The following DNAH12 variants were observed in gnomAD, a reference collection of about 807,000 sequenced individuals.
DNAH12 encodes axonemal beta dynein heavy chain 12.
In DNAH12, 285 loss-of-function variants were observed where a neutral mutation model predicts 371.5. That is an observed-to-expected ratio of 0.77 (90% CI 0.70 to 0.85). The LOEUF (loss-of-function observed/expected upper bound fraction) is 0.85. Among genes scored for constraint, DNAH12 ranks in the 40% least tolerant of loss-of-function variants. The pLI is 0.00. For synonymous variants in DNAH12, 1,200 were observed against 1,213.0 expected (o/e 0.99, Z 0.22); for missense variants, 3,611 against 3,689.4 (o/e 0.98, Z 0.55).
chr3:57,548,514 G>C (rs1219711832), upstream of DNAH12, among the ~76,000 whole-genome samples: 1 of 152,120 alleles, frequency 6.6e-6, no homozygotes, highest in Admixed American at 6.6e-5. Flanking sequence ...TTTGAGATCA[G>C]ACTGGGCAAC....
chr3:57,441,307 C>T (rs894505131), intron 29 of DNAH12, among the ~76,000 whole-genome samples: 1 of 151,634 alleles, frequency 6.6e-6, no homozygotes, highest in African/African-American at 2.4e-5. Context: ...CTGGACAAAG[C>T]CAAAGAAAGA....
chr3:57,295,911 A>G (rs932829347), intron 72 of DNAH12, among the ~76,000 whole-genome samples: 3 of 152,204 alleles, frequency 2.0e-5, no homozygotes, highest in Non-Finnish European at 2.9e-5. Flanking sequence ...AGTATTGCTT[A>G]ATTTCCTGAG....
intron 37 of DNAH12, among the ~76,000 whole-genome samples, chr3:57,418,909 G>C (rs568243697): frequency 6.6e-6 from 1 of 152,282 alleles, no homozygotes; most frequent in Non-Finnish European, 1.5e-5. Flanking sequence ...AGTTTCATGT[G>C]TCTTTACTTT....
chr3:57,531,470 T>G (rs904578994), intron 2 of DNAH12, among the ~76,000 whole-genome samples: 1 of 152,008 alleles, frequency 6.6e-6, no homozygotes. Context: ...GATTATTAAA[T>G]GCCTTGAGGG....
In DNAH12 at chr3:57,454,763, A is replaced by G. The variant is rs1410965539; in HGVS notation, c.3456+12T>C. 3 of 1,549,468 alleles carry G rather than the reference A, an allele frequency of 1.9e-6. No homozygotes were observed. In the East Asian group the frequency reaches 7.3e-5, roughly 38 times the overall value. On this transcript the variant is annotated intron_variant, in intron 23 of 73. Transcript: ENST00000495027. ...AATGAAGGATGTTACTTAAAAGCAA[A>G]CAATGCTTTACCTCCGTCCCGCCAC...
chr3:57,432,834 G>A lies in DNAH12; in HGVS notation c.4980+533C>T, dbSNP rs371679952. On this transcript the variant is annotated intron_variant, in intron 32 of 73. Transcript: ENST00000495027. ...GTGTCATTTTTTAGGTGATGATTAT[G>A]TGAGTATACAAACACATTTTAAAAA... is the stretch of plus-strand genomic sequence containing the variant. Among the ~76,000 whole-genome samples the A allele has an allele frequency of 6.6e-5, 10 of 152,234 alleles. No homozygotes were observed. In the East Asian group the frequency reaches 9.6e-4, roughly 15 times the overall value.
chr3:57,486,787 T>A (rs1364865712), intron 12 of DNAH12, among the ~76,000 whole-genome samples: 1 of 152,050 alleles, frequency 6.6e-6, no homozygotes, highest in Non-Finnish European at 1.5e-5. Context: ...GCTACTGCAC[T>A]TCGGTCCGGG....
intron 13 of DNAH12, among the ~76,000 whole-genome samples, chr3:57,477,604 C>G (rs1376870961): frequency 6.6e-6 from 1 of 152,166 alleles, no homozygotes; most frequent in East Asian, 1.9e-4. Flanking sequence ...AGCTGGAGAT[C>G]TGAGAATGGA....
At chr3:57,554,558 A>T in the DNAH12 span, among the ~76,000 whole-genome samples, 1 of 152,088 alleles carries the variant, frequency 6.6e-6, no homozygotes, top group Non-Finnish European at 1.5e-5. Context: ...CACCTTACTC[A>T]TCACACTGGA....
rs372585995 is a variant in DNAH12, at chr3:57,510,841, G to A, written c.418C>T (p.Leu140Phe). ...GKEREELLES[L>F]INEVSSDFEN... ...AAGTCACTTGACACCTCATTTATGA[G>A]ACTTTCAAGAAGTTCTTCTCTTTCT... The change falls in exon 5 of 74, where the codon CTC becomes TTC. Residue 140 changes from leucine to phenylalanine, a missense_variant. This residue lies in a region of DNAH12 where 1,314 missense variants were observed against 1,398.7 expected (regional missense o/e 0.94). Transcript: ENST00000495027. 3.1e-6 allele frequency: 5 copies of A among 1,613,876 alleles called. No individual in the cohort carries two copies. The highest frequency in any genetic ancestry group is 4.2e-6 in the Non-Finnish European group (5 of 1,180,004).
chr3:57,494,864 C>T (rs868418938), intron 11 of DNAH12, among the ~76,000 whole-genome samples: 1 of 151,894 alleles, frequency 6.6e-6, no homozygotes, highest in Non-Finnish European at 1.5e-5. Context: ...CAAAAGTTAT[C>T]CCACCATAGT....
At chr3:57,448,815 C>T (rs1373677663) in intron 25 of DNAH12, among the ~76,000 whole-genome samples, 2 of 152,200 alleles carry the variant, frequency 1.3e-5, no homozygotes, top group Non-Finnish European at 2.9e-5. Flanking sequence ...TCTCCAAAGC[C>T]CCACCAGAGT....
In DNAH12 at chr3:57,433,795, C is replaced by G; in HGVS notation, c.4689G>C (p.Lys1563Asn). ...CCGCCAGCACATGCAGAACTTTTGT[C>G]TTAGCAGCAAAAGGCTCTCCTACTA... ...FMLVGEPFAA[K>N]TKVLHVLADT... The change falls in exon 31 of 74, where the codon AAG (lysine) becomes AAC (asparagine). Residue 1563 changes from lysine to asparagine, a missense_variant. Lys to Asn is a moderately conservative substitution (Grantham distance 94). Coordinates refer to ENST00000495027, the MANE Select transcript of DNAH12 (RefSeq NM_001366028.2). The G allele has an allele frequency of 6.5e-7, 1 of 1,547,680 alleles. No individual in the cohort carries two copies. Among genetic ancestry groups the G allele is most frequent in the Non-Finnish European group, 8.7e-7 (1 of 1,145,936 alleles).
At chr3:57,336,144 G>T (rs926114249) in intron 60 of DNAH12, among the ~76,000 whole-genome samples, 2 of 152,168 alleles carry the variant, frequency 1.3e-5, no homozygotes, top group Admixed American at 6.5e-5. Context: ...ACTGCACCTA[G>T]AATAAGTCTT....
chr3:57,302,734 C>T (rs1286189508), intron 69 of DNAH12, among the ~76,000 whole-genome samples: 1 of 149,886 alleles, frequency 6.7e-6, no homozygotes, highest in African/African-American at 2.5e-5. Flanking sequence ...CACCACCACA[C>T]CCAGCTAATT....
chr3:57,551,377 T>C, the DNAH12 span, among the ~76,000 whole-genome samples: 1 of 152,042 alleles, frequency 6.6e-6, no homozygotes, highest in Non-Finnish European at 1.5e-5. Context: ...GTTCACACCA[T>C]TCTCCTGCCT....
intron 17 of DNAH12, among the ~76,000 whole-genome samples, chr3:57,466,170 T>G (rs2066196970): frequency 6.6e-6 from 1 of 151,882 alleles, no homozygotes; most frequent in Non-Finnish European, 1.5e-5. Flanking sequence ...GTCTCCAAGA[T>G]AAATTAAGCA....
upstream of DNAH12, among the ~76,000 whole-genome samples, chr3:57,545,981 T>C (rs1201912576): frequency 6.6e-6 from 1 of 152,184 alleles, no homozygotes; most frequent in Non-Finnish European, 1.5e-5. Context: ...TTTATTTGGA[T>C]TGTAAGTCCG....
intron 65 of DNAH12, among the ~76,000 whole-genome samples, chr3:57,321,887 G>T (rs1042560206): frequency 6.6e-6 from 1 of 152,040 alleles, no homozygotes; most frequent in African/African-American, 2.4e-5. Flanking sequence ...GTGGATATAC[G>T]AAAAAGCACT....
Sources: allele counts gnomAD v4.1 joint callset (sites outside exome capture counted in the v4.1 genomes callset), GRCh38; gene constraint gnomAD v4.1.1; regional missense constraint gnomAD v4.1.1; transcripts MANE v1.5; gene names NCBI Gene and HGNC (gene_info 2026-07-23, HGNC 2026-07-21).